SLC4A5: variants seen among roughly 807,000 people sequenced by gnomAD.
SLC4A5 encodes the protein solute carrier family 4 member 5.
SLC4A5 carries 96 observed loss-of-function variants against 120.4 expected under a neutral mutation model. The ratio of observed to expected loss-of-function variants is 0.80; its 90% CI spans 0.68 to 0.94. The LOEUF (loss-of-function observed/expected upper bound fraction) is 0.94. Among genes scored for constraint, SLC4A5 ranks in the 40% least tolerant of loss-of-function variants. The probability of loss-of-function intolerance (pLI) is 0.00; values close to 1 mark genes in which losing one functional copy is unlikely to be tolerated. For synonymous variants in SLC4A5, 550 were observed against 571.1 expected, an observed-to-expected ratio of 0.96 and a Z score of 0.53; for missense variants, 1,259 against 1,459.5, an observed-to-expected ratio of 0.86 and a Z score of 2.24.
intron 2 of SLC4A5, among the ~76,000 whole-genome samples, chr2:74,341,457 T>G (rs1021589892): frequency 6.6e-6 from 1 of 152,200 alleles, no homozygotes; most frequent in Non-Finnish European, 1.5e-5. Flanking sequence ...TAAATAACCT[T>G]GTATCTGACT....
At chr2:74,298,566 A>G (rs1471692807) in intron 7 of SLC4A5, among the ~76,000 whole-genome samples, 1 of 152,238 alleles carries the variant, frequency 6.6e-6, no homozygotes, top group Non-Finnish European at 1.5e-5. Flanking sequence ...GCAAAAATAA[A>G]CTAGTGCAAC....
chr2:74,227,217 G>A, intron 26 of SLC4A5, 87 bp from the exon 27 acceptor site: 1 of 1,438,314 alleles, frequency 7.0e-7, no homozygotes, highest in Non-Finnish European at 9.3e-7. Context: ...GCCTGGGTGG[G>A]GTCTCAGAGA....
chr2:74,245,544 C>T (rs1057117986), intron 19 of SLC4A5, among the ~76,000 whole-genome samples: 3 of 152,280 alleles, frequency 2.0e-5, no homozygotes, highest in Admixed American at 2.0e-4. Flanking sequence ...GTAGGATCCC[C>T]TCTGGGCAAG....
chr2:74,223,095 C>T, intron 28 of SLC4A5, 143 bp from the exon 29 acceptor site: 1 of 517,470 alleles, frequency 1.9e-6, no homozygotes, highest in South Asian at 2.1e-5. Flanking sequence ...ACCTCTGCCT[C>T]CTGGGTTCAA....
At chr2:74,222,941 A>G in exon 29 of SLC4A5, 1 of 1,610,774 alleles carries the variant, frequency 6.2e-7, no homozygotes, top group Non-Finnish European at 8.5e-7. Context: ...CCGAGGGAGG[A>G]GGGAACTGGG....
At chr2:74,285,982 A>G (rs1457413960) in intron 7 of SLC4A5, 80 bp from the exon 8 acceptor site, 3 of 1,447,428 alleles carry the variant, frequency 2.1e-6, no homozygotes, top group South Asian at 1.4e-5. Flanking sequence ...ATGGAGTAGG[A>G]GGCAAGCACA....
chr2:74,326,286 T>C (rs954655113), intron 5 of SLC4A5, among the ~76,000 whole-genome samples: 1 of 152,218 alleles, frequency 6.6e-6, no homozygotes, highest in Non-Finnish European at 1.5e-5. Flanking sequence ...CATCAGCCTC[T>C]GGCATGCAGC....
rs908837405 is a variant in SLC4A5, at chr2:74,262,130, C to T, written c.811+7G>A. 37 of 1,612,878 alleles carry T rather than the reference C, an allele frequency of 2.3e-5. No homozygotes were observed. The highest frequency in any genetic ancestry group is 3.3e-4 in the Middle Eastern group (2 of 6,048). On this transcript the variant is annotated splice_region_variant and intron_variant, in intron 11 of 30. Transcript: ENST00000394019. The stretch of plus-strand genomic sequence containing the variant: ...AGCTGCCACAGAGCGGCAGAGCACA[C>T]ACTCACACAGACGTCCGTAATTTGC...
intron 8 of SLC4A5, among the ~76,000 whole-genome samples, chr2:74,277,834 A>G (rs1280354387): frequency 2.6e-5 from 4 of 152,208 alleles, no homozygotes; most frequent in Non-Finnish European, 5.9e-5. Flanking sequence ...TGTGTTTACA[A>G]TGAAGTCTAA....
At chr2:74,304,493 C>T (rs753765726) in exon 7 of SLC4A5, 1 of 1,609,886 alleles carries the variant, frequency 6.2e-7, no homozygotes, top group African/African-American at 1.3e-5. Context: ...ACTCACGAGT[C>T]CTGCTGATAA....
At chr2:74,341,826 G>A (rs901228581) in intron 2 of SLC4A5, among the ~76,000 whole-genome samples, 39 of 152,326 alleles carry the variant, frequency 2.6e-4, no homozygotes, top group African/African-American at 9.4e-4. Context: ...CATCAGGGCT[G>A]CTCTTACTCT....
At chr2:74,224,780 A>G in intron 28 of SLC4A5, 60 bp downstream of exon 28, 1 of 1,569,776 alleles carries the variant, frequency 6.4e-7, no homozygotes, top group Non-Finnish European at 8.6e-7. Context: ...TGTCCCTGGC[A>G]AAAGTGGAGA....
chr2:74,224,402 A>G (rs2103879404), intron 28 of SLC4A5, among the ~76,000 whole-genome samples: 1 of 152,250 alleles, frequency 6.6e-6, no homozygotes, highest in East Asian at 1.9e-4. Context: ...ACTTGTTCCC[A>G]GCCCCTCCTG....
intron 12 of SLC4A5, among the ~76,000 whole-genome samples, chr2:74,256,949 T>A (rs1268326218): frequency 6.6e-6 from 1 of 152,164 alleles, no homozygotes; most frequent in Non-Finnish European, 1.5e-5. Flanking sequence ...AGAGAGCGCC[T>A]GTGAACATCA....
intron 8 of SLC4A5, among the ~76,000 whole-genome samples, chr2:74,268,006 A>G (rs1230128290): frequency 6.6e-6 from 1 of 151,998 alleles, no homozygotes; most frequent in Non-Finnish European, 1.5e-5. Context: ...TTTTTAAAAA[A>G]GAGCACAGTC....
At chr2:74,224,239 A>G (rs1046708767) in intron 28 of SLC4A5, among the ~76,000 whole-genome samples, 4 of 152,062 alleles carry the variant, frequency 2.6e-5, no homozygotes, top group Non-Finnish European at 4.4e-5. Flanking sequence ...TGTTTTGGGG[A>G]TGAAATGGGA....
intron 5 of SLC4A5, among the ~76,000 whole-genome samples, chr2:74,320,502 A>C (rs1183867227): frequency 6.6e-6 from 1 of 152,260 alleles, no homozygotes; most frequent in Non-Finnish European, 1.5e-5. Flanking sequence ...TCATGCTTCC[A>C]AAAGTGAGAC....
chr2:74,247,926 G>T (rs1399542035), intron 18 of SLC4A5, among the ~76,000 whole-genome samples: 1 of 152,164 alleles, frequency 6.6e-6, no homozygotes, highest in East Asian at 1.9e-4. Context: ...GGGAATTTTG[G>T]AAGAACAGGG....
At chr2:74,338,645 C>T (rs1673552456) in intron 3 of SLC4A5, among the ~76,000 whole-genome samples, 1 of 151,980 alleles carries the variant, frequency 6.6e-6, no homozygotes. Flanking sequence ...ATGGTGAAAC[C>T]CCATGTCTAC....
Sources: allele counts gnomAD v4.1 joint callset (sites outside exome capture counted in the v4.1 genomes callset), GRCh38; gene constraint gnomAD v4.1.1; transcripts MANE v1.5; gene names NCBI Gene and HGNC (gene_info 2026-07-23, HGNC 2026-07-21).